Variants in USF3 observed in about 807,000 individuals in gnomAD.
The protein encoded by USF3 is basic helix-loop-helix domain-containing protein USF3.
A neutral mutation model predicts 157.5 loss-of-function variants in USF3; 29 were observed. The ratio of observed to expected loss-of-function variants is 0.18; its 90% CI spans 0.14 to 0.25. The LOEUF is 0.25. Ranked by LOEUF, USF3 falls within the 10% of genes least tolerant of loss-of-function variation. USF3 has a pLI of 1.00. For synonymous variants in USF3, 893 were observed against 941.4 expected, an observed-to-expected ratio of 0.95 and a Z score of 0.94; for missense variants, 2,381 against 2,667.6, an observed-to-expected ratio of 0.89 and a Z score of 2.37.
intron 1 of USF3, among the ~76,000 whole-genome samples, chr3:113,692,766 A>G (rs1350951356): frequency 6.6e-6 from 1 of 152,236 alleles, no homozygotes; most frequent in African/African-American, 2.4e-5. Context: ...CTACTGATCT[A>G]ATTAAAAGAT....
chr3:113,672,737 T>C (rs1707187869), intron 4 of USF3, among the ~76,000 whole-genome samples: 1 of 152,188 alleles, frequency 6.6e-6, no homozygotes, highest in African/African-American at 2.4e-5. Flanking sequence ...TTTCCATAGA[T>C]AAAATTTTCC....
intron 3 of USF3, among the ~76,000 whole-genome samples, chr3:113,673,975 A>C (rs1332657217): frequency 6.6e-6 from 1 of 152,230 alleles, no homozygotes; most frequent in African/African-American, 2.4e-5. Context: ...CAATTACTCA[A>C]AACATTAGCA....
At position 113,660,162 on chromosome 3, in the gene USF3, T is replaced by C. The variant is rs1947455281; in HGVS notation, c.1520A>G (p.Gln507Arg). 1 of 1,614,074 alleles carries C rather than the reference T, an allele frequency of 6.2e-7. No individual in the cohort carries two copies. Among genetic ancestry groups the C allele is most frequent in the African/African-American group, 1.3e-5 (1 of 74,922 alleles). ...TLPSCPSLPMQPLIAQPQVKS... is the reference protein window; with the variant it reads ...TLPSCPSLPMRPLIAQPQVKS... ...AACTTGTGGCTGGGCAATTAGTGGC[T>C]GCATAGGTAAAGATGGACAAGAAGG... The change falls in exon 7 of 7, where the codon CAG (glutamine) becomes CGG (arginine). Residue 507 changes from glutamine to arginine, a missense_variant. Gln to Arg is a conservative substitution (Grantham distance 43, BLOSUM62 1). Around this residue, in one of 6 missense-constraint regions of USF3, gnomAD observed 1,435 missense variants for 1,550.9 expected, o/e 0.93. Coordinates refer to ENST00000316407, the MANE Select transcript of USF3 (RefSeq NM_001009899.4).
In USF3 at chr3:113,652,115, G is replaced by C. The variant is rs1947272979; in HGVS notation, c.*2829C>G. ...AGAGAGAGAGAGAGAGAGAGTGTGT[G>C]TGTGTGTGTGTGTGTGTGTGTGTGT... is the stretch of plus-strand genomic sequence containing the variant. On this transcript the variant is annotated 3_prime_UTR_variant, in exon 7 of 7. Transcript: ENST00000316407. The C allele has an allele frequency of 1.3e-5, 1 of 76,968 alleles. No individual in the cohort carries two copies. The highest frequency in any genetic ancestry group is 3.2e-5 in the Non-Finnish European group (1 of 31,420). The allele number at this position is 76,968 out of a possible 1,614,324, so 4.8% of individuals were successfully genotyped here.
chr3:113,656,404 T>C lies in USF3; in HGVS notation c.5278A>G (p.Ile1760Val), dbSNP rs186056495. Reference sequence around the variant, plus strand: ...CGCAATGATGATACAGGGTTACCTATTTCATTGTTTCTTGAAGATTGTACT... The same window carrying C: ...CGCAATGATGATACAGGGTTACCTACTTCATTGTTTCTTGAAGATTGTACT... ...FEVQSSRNNE[I>V]GNPVSSLRSM... is the part of the protein sequence containing the mutation. The change falls in exon 7 of 7, where the codon ATA (isoleucine) becomes GTA (valine). Residue 1760 changes from isoleucine (I) to valine (V), a missense_variant. Transcript: ENST00000316407. 462 of 1,614,198 alleles carry C rather than the reference T, an allele frequency of 2.9e-4. 1 individual carries two copies. In the African/African-American group the frequency reaches 5.3e-3, roughly 19 times the overall value.
Position 113,655,676 on chromosome 3 carries a change from C to G in USF3, c.6006G>C (p.Arg2002Ser). 4 of 1,613,972 alleles carry G rather than the reference C, an allele frequency of 2.5e-6. No homozygotes were observed. The highest frequency in any genetic ancestry group is 3.4e-6 in the Non-Finnish European group (4 of 1,179,896). The change falls in exon 7 of 7, where the codon AGG becomes AGC. Residue 2002 changes from arginine (R) to serine (S), a missense_variant. Around this residue, in one of 6 missense-constraint regions of USF3, gnomAD observed 770 missense variants for 824.2 expected, o/e 0.93. Transcript: ENST00000316407. ...GACTTGGATCAAAGACAGTACTTTG[C>G]CTTTGGTTTCCAGAACGATTCCTTT... ...QPERNRSGNQ[R>S]QSTVFDPSLP...
chr3:113,693,812 C>G (rs932714246), intron 1 of USF3, among the ~76,000 whole-genome samples: 2 of 152,124 alleles, frequency 1.3e-5, no homozygotes, highest in African/African-American at 2.4e-5. Flanking sequence ...GTAATTAGAA[C>G]TATTATTGGC....
In USF3 at chr3:113,650,814, A is replaced by G. The variant is rs1305993477; in HGVS notation, c.*4130T>C. 6.6e-6 allele frequency: 1 copy of G among 152,178 alleles called. No individual in the cohort carries two copies. Among genetic ancestry groups the G allele is most frequent in the Non-Finnish European group, 1.5e-5 (1 of 68,020 alleles). 9.4% of individuals were successfully genotyped at this position (152,178 alleles called of 1,614,324 possible). A position where few individuals can be genotyped will look rare whatever the true frequency, so the allele number is the denominator to read the frequency against. ...TGTGACTGGAAAATGCTGCAAAAAA[A>G]TAACCCCCTCCTTTCTCTTTCCCCA... On this transcript the variant is annotated 3_prime_UTR_variant, in exon 7 of 7. Transcript: ENST00000316407.
At chr3:113,670,490 T>C (rs902163091) in intron 4 of USF3, among the ~76,000 whole-genome samples, 8 of 151,970 alleles carry the variant, frequency 5.3e-5, no homozygotes, top group African/African-American at 1.7e-4. Flanking sequence ...TCCCAGCTAC[T>C]TGGGAGGCTG....
rs1242744154 is a variant in USF3 at position 113,659,925 on chromosome 3, G to A, written c.1757C>T (p.Ala586Val). Reference protein sequence around the residue: ...VGQQIVIIQAANQNPLPLLPA... With the variant: ...VGQQIVIIQAVNQNPLPLLPA... ...GAGGAGTGGCAAAGGATTCTGATTA[G>A]CAGCCTGTATGATTACTATCTGTTG... Residue 586 changes from alanine (A) to valine (V), a missense_variant, in exon 7 of 7, where the codon GCT becomes GTT. Ala to Val is a moderately conservative substitution (Grantham distance 64). Transcript: ENST00000316407. 2 of 1,614,190 alleles carry A rather than the reference G, an allele frequency of 1.2e-6. No individual in the cohort carries two copies. Among genetic ancestry groups the A allele is most frequent in the South Asian group, 2.2e-5 (2 of 91,080 alleles).
At chr3:113,694,187 T>C (rs374127356) in intron 1 of USF3, among the ~76,000 whole-genome samples, 1 of 152,334 alleles carries the variant, frequency 6.6e-6, no homozygotes, top group East Asian at 1.9e-4. Context: ...ATGACAGATA[T>C]GATTAAGGCT....
Position 113,655,957 on chromosome 3 carries a change from G to A in USF3, c.5725C>T (p.Arg1909Ter). ...ACAGAAACATTGGGGCTTGTGTTTCGACCTTGAATATCTCCTGAGGAAGAG... is the reference window on the plus strand; with the variant it reads ...ACAGAAACATTGGGGCTTGTGTTTCAACCTTGAATATCTCCTGAGGAAGAG... ...SSSSSGDIQG[R>*]NTSPNVSVQK... is the part of the protein sequence containing the mutation. Residue 1909 changes from arginine (R) to a stop codon, truncating the protein, a stop_gained, in exon 7 of 7, where the codon CGA becomes TGA. Transcript: ENST00000316407. LOFTEE classifies it high-confidence loss of function. 1 of 1,614,084 alleles carries A rather than the reference G, an allele frequency of 6.2e-7. No individual in the cohort carries two copies. The highest frequency in any genetic ancestry group is 1.1e-5 in the South Asian group (1 of 91,066).
rs772017236 is a variant in USF3, at chr3:113,658,135, C to T, written c.3547G>A (p.Glu1183Lys). The T allele has an allele frequency of 3.0e-5, 49 of 1,614,048 alleles. No individual in the cohort carries two copies. Among genetic ancestry groups the T allele is most frequent in the Non-Finnish European group, 4.2e-5 (49 of 1,180,038 alleles). ...GCTTCTGCCTGTCCTGTGCCACTCT[C>T]TTTAGGTATCTGTGATTTGAAGGGT... ...DPPFKSQIPK[E>K]SGTGQAEATP... is the part of the protein sequence containing the mutation. The change falls in exon 7 of 7, where the codon GAG becomes AAG. Residue 1183 changes from glutamate (E) to lysine (K), a missense_variant. Physicochemically the swap from Glu to Lys is moderately conservative, Grantham distance 56 (BLOSUM62 1). Around this residue, in one of 6 missense-constraint regions of USF3, gnomAD observed 1,435 missense variants for 1,550.9 expected, o/e 0.93. Transcript: ENST00000316407.
intron 5 of USF3, among the ~76,000 whole-genome samples, chr3:113,669,434 T>C (rs981652991): frequency 5.3e-5 from 8 of 152,218 alleles, no homozygotes; most frequent in Non-Finnish European, 7.4e-5. Flanking sequence ...TGCTGTTTGC[T>C]ATGTGTCTTA....
intron 1 of USF3, among the ~76,000 whole-genome samples, chr3:113,694,718 C>A (rs1158865847): frequency 1.3e-5 from 2 of 152,170 alleles, no homozygotes; most frequent in Non-Finnish European, 2.9e-5. Flanking sequence ...AAATAAATAT[C>A]ACACACAAAC....
In USF3 at chr3:113,649,675, C is replaced by T. The variant is rs1015400658; in HGVS notation, c.*5269G>A. The T allele has an allele frequency of 6.8e-6, 4 of 588,884 alleles. No individual in the cohort carries two copies. The highest frequency in any genetic ancestry group is 3.0e-5 in the Admixed American group (1 of 33,606). The allele number at this position is 588,884 out of a possible 1,614,324, so 36.5% of individuals were successfully genotyped here. A position where few individuals can be genotyped will look rare whatever the true frequency, so the allele number is the denominator to read the frequency against. ...AGAGGAGTGGGTGAGTGATATGTTC[C>T]AACAGCTGGTCTAAAGACCAGAGGC... On this transcript the variant is annotated 3_prime_UTR_variant, in exon 7 of 7. Transcript: ENST00000316407.
Position 113,657,720 on chromosome 3 carries a change from T to C in USF3, c.3962A>G (p.His1321Arg). 1.9e-6 allele frequency: 3 copies of C among 1,614,188 alleles called. No homozygotes were observed. Among genetic ancestry groups the C allele is most frequent in the South Asian group, 1.1e-5 (1 of 91,084 alleles). Residue 1321 changes from histidine to arginine, a missense_variant, in exon 7 of 7, where the codon CAT becomes CGT. This residue lies in a region of USF3 where 1,435 missense variants were observed against 1,550.9 expected (regional missense o/e 0.93). Coordinates refer to ENST00000316407, the MANE Select transcript of USF3 (RefSeq NM_001009899.4). ...CTTAGCAGAATCCTTACGGCTTTCA[T>C]GGCTTGGCTTTAAGAGTGGCTCTTG... ...QIQEPLLKPSHESRKDSAKRA... is the reference protein window; with the variant it reads ...QIQEPLLKPSRESRKDSAKRA...
In USF3 at chr3:113,653,589, C is replaced by G. The variant is rs1947301438; in HGVS notation, c.*1355G>C. On this transcript the variant is annotated 3_prime_UTR_variant, in exon 7 of 7. Transcript: ENST00000316407. ...CTGCACTCCAGCCTGGGCAACAGAG[C>G]CAGACTCCATCTATTAAAAAAAAAA... 6.8e-6 allele frequency: 1 copy of G among 146,854 alleles called. No individual in the cohort carries two copies. The highest frequency in any genetic ancestry group is 2.2e-4 in the South Asian group (1 of 4,628). 9.1% of individuals were successfully genotyped at this position (146,854 alleles called of 1,614,324 possible).
rs369926410 is a variant in USF3, at chr3:113,658,338, T to C, written c.3344A>G (p.Asn1115Ser). The part of the protein sequence containing the change: ...PETTREDVTS[N>S]ATTNTCDSCT... Reference sequence around the variant, plus strand: ...GCTGTCACATGTATTAGTTGTTGCATTGCTGGTCACATCTTCTCTTGTTGT... The same window carrying C: ...GCTGTCACATGTATTAGTTGTTGCACTGCTGGTCACATCTTCTCTTGTTGT... Residue 1115 changes from asparagine (N) to serine (S), a missense_variant, in exon 7 of 7, where the codon AAT becomes AGT. By Grantham distance (46) the Asn-to-Ser change is conservative. Around this residue, in one of 6 missense-constraint regions of USF3, gnomAD observed 1,435 missense variants for 1,550.9 expected, o/e 0.93. Transcript: ENST00000316407. 256 of 1,614,212 alleles carry C rather than the reference T, an allele frequency of 1.6e-4. No homozygotes were observed. The highest frequency in any genetic ancestry group is 8.2e-4 in the Middle Eastern group (5 of 6,062).
Sources: allele counts gnomAD v4.1 joint callset (sites outside exome capture counted in the v4.1 genomes callset), GRCh38; gene constraint gnomAD v4.1.1; regional missense constraint gnomAD v4.1.1; transcripts MANE v1.5; gene names NCBI Gene and HGNC (gene_info 2026-07-23, HGNC 2026-07-21).